The following GLG1 variants were observed in gnomAD, a reference collection of about 807,000 sequenced individuals.
The protein encoded by GLG1 is Golgi apparatus protein 1.
Under a neutral mutation model 160.5 loss-of-function variants are expected in GLG1, and 38 were observed. The ratio of observed to expected loss-of-function variants is 0.24; its 90% confidence interval spans 0.18 to 0.31. The LOEUF (loss-of-function observed/expected upper bound fraction) is 0.31, where lower values mean the gene tolerates loss of function less well. Ranked by LOEUF, GLG1 falls within the 10% of genes least tolerant of loss-of-function variation. GLG1 has a pLI of 1.00. For synonymous variants in GLG1, 644 were observed against 543.4 expected (o/e 1.19, Z -2.57); for missense variants, 1,373 against 1,505.2 (o/e 0.91, Z 1.45).
intron 2 of GLG1, among the ~76,000 whole-genome samples, chr16:74,515,973 G>A (rs2016965328): frequency 6.6e-6 from 1 of 151,258 alleles, no homozygotes; most frequent in African/African-American, 2.5e-5. Context: ...ATTACATAAC[G>A]GTAAAGGGAT....
intron 22 of GLG1, chr16:74,461,446 G>A (rs1207261288): frequency 6.7e-6 from 1 of 148,922 alleles, no homozygotes; most frequent in Admixed American, 6.8e-5. Flanking sequence ...GGATTACAGG[G>A]GTGAACCACC....
chr16:74,491,351 T>C (rs890161989), intron 7 of GLG1, 136 bp from the exon 8 acceptor site: 8 of 682,344 alleles, frequency 1.2e-5, no homozygotes, highest in African/African-American at 1.8e-5. Flanking sequence ...CTGAAAAGTT[T>C]AGAATTAGCA....
At chr16:74,508,440 C>A (rs2016690162) in intron 3 of GLG1, among the ~76,000 whole-genome samples, 1 of 152,024 alleles carries the variant, frequency 6.6e-6, no homozygotes, top group African/African-American at 2.4e-5. Context: ...AACACTAACT[C>A]CTATTATTTG....
At chr16:74,463,631 C>T (rs1234615202) in intron 19 of GLG1, 152 bp from the exon 20 acceptor site, 29 of 701,594 alleles carry the variant, frequency 4.1e-5, no homozygotes, top group South Asian at 1.1e-4. Context: ...CTCCGCCTCC[C>T]GAGTTCAAGC....
At chr16:74,501,700 G>A (rs184745968) in intron 4 of GLG1, among the ~76,000 whole-genome samples, 8 of 152,188 alleles carry the variant, frequency 5.3e-5, no homozygotes, top group Non-Finnish European at 5.9e-5. Context: ...TGAAAAGTAT[G>A]TTTGGAACCC....
intron 1 of GLG1, among the ~76,000 whole-genome samples, chr16:74,547,784 A>T (rs2018090013): frequency 6.6e-6 from 1 of 152,398 alleles, no homozygotes; most frequent in East Asian, 1.9e-4. Flanking sequence ...GACATCTGTG[A>T]CAAATTTCCA....
At chr16:74,456,288 C>T (rs1885069787) in intron 25 of GLG1, among the ~76,000 whole-genome samples, 2 of 152,204 alleles carry the variant, frequency 1.3e-5, no homozygotes, top group African/African-American at 2.4e-5. Flanking sequence ...CGGCTCCAGG[C>T]TCACGGGCAG....
chr16:74,589,029 G>T (rs1279208471), intron 1 of GLG1, among the ~76,000 whole-genome samples: 3 of 151,594 alleles, frequency 2.0e-5, no homozygotes, highest in Non-Finnish European at 4.4e-5. Context: ...ATAACTTCAA[G>T]TCAGGAGTTC....
chr16:74,525,840 A>C (rs955477092), intron 2 of GLG1, among the ~76,000 whole-genome samples: 4 of 151,484 alleles, frequency 2.6e-5, no homozygotes, highest in African/African-American at 9.7e-5. Flanking sequence ...CTGATGCACA[A>C]AAGTTTTTAA....
chr16:74,501,757 C>A (rs1346101659), intron 4 of GLG1, among the ~76,000 whole-genome samples: 2 of 152,228 alleles, frequency 1.3e-5, no homozygotes, highest in African/African-American at 4.8e-5. Context: ...ATATAATTTT[C>A]AACATCCTAA....
At chr16:74,557,676 A>C (rs1469349523) in intron 1 of GLG1, among the ~76,000 whole-genome samples, 1 of 152,190 alleles carries the variant, frequency 6.6e-6, no homozygotes, top group East Asian at 1.9e-4. Context: ...ACCATATCCC[A>C]GAAGCATCTG....
intron 8 of GLG1, among the ~76,000 whole-genome samples, chr16:74,489,318 A>G (rs984823142): frequency 6.6e-6 from 1 of 151,928 alleles, no homozygotes; most frequent in Non-Finnish European, 1.5e-5. Flanking sequence ...TAAAAATACA[A>G]AAATTAGCTG....
chr16:74,548,607 C>A (rs1046301365), intron 1 of GLG1, among the ~76,000 whole-genome samples: 1 of 152,128 alleles, frequency 6.6e-6, no homozygotes, highest in African/African-American at 2.4e-5. Flanking sequence ...AAACAACTTC[C>A]TTCGTGGACA....
intron 1 of GLG1, among the ~76,000 whole-genome samples, chr16:74,560,528 G>T (rs555728801): frequency 2.6e-5 from 4 of 151,694 alleles, no homozygotes; most frequent in Non-Finnish European, 5.9e-5. Flanking sequence ...TATTTTTGTA[G>T]AGATGGGTTT....
intron 1 of GLG1, among the ~76,000 whole-genome samples, chr16:74,547,439 T>C (rs1467628019): frequency 1.3e-5 from 2 of 152,264 alleles, no homozygotes; most frequent in South Asian, 2.1e-4. Flanking sequence ...GTCTTGCATC[T>C]GTGTATTGGC....
At chr16:74,554,987 A>C (rs563494127) in intron 1 of GLG1, among the ~76,000 whole-genome samples, 3 of 152,336 alleles carry the variant, frequency 2.0e-5, no homozygotes, top group Non-Finnish European at 4.4e-5. Flanking sequence ...CTGCCCTCCA[A>C]CCTGAGCGAC....
intron 1 of GLG1, among the ~76,000 whole-genome samples, chr16:74,566,330 T>C (rs2018653738): frequency 2.0e-5 from 3 of 152,204 alleles, no homozygotes; most frequent in South Asian, 4.1e-4. Context: ...TACAGGACAT[T>C]TGTCTTTTCT....
chr16:74,492,053 C>A (rs184288375), intron 7 of GLG1, among the ~76,000 whole-genome samples: 3 of 152,100 alleles, frequency 2.0e-5, no homozygotes, highest in Admixed American at 6.5e-5. Context: ...AATCATGCTA[C>A]CCTGAGTCTC....
chr16:74,480,661 G>A (rs931467357), intron 10 of GLG1, among the ~76,000 whole-genome samples: 1 of 151,824 alleles, frequency 6.6e-6, no homozygotes, highest in African/African-American at 2.4e-5. Flanking sequence ...GGGCTTGAAG[G>A]CAATCCTCCC....
Sources: gnomAD v4.1 joint callset for allele counts (sites outside exome capture counted in the v4.1 genomes callset) on GRCh38, gnomAD v4.1.1 for gene constraint, MANE v1.5 for transcripts, NCBI Gene and HGNC (gene_info 2026-07-23, HGNC 2026-07-21) for gene names.